Variants in CD84 observed in about 807,000 individuals in gnomAD.
The protein encoded by CD84 is CD84 molecule.
A neutral mutation model predicts 33.8 loss-of-function variants in CD84; 22 were observed. The ratio of observed to expected loss-of-function variants is 0.65; its 90% CI spans 0.46 to 0.93. CD84 has a LOEUF of 0.93. Ranked by LOEUF, CD84 falls within the 40% of genes least tolerant of loss-of-function variation. The pLI is 0.00. For synonymous variants in CD84, 154 were observed against 145.2 expected (o/e 1.06, Z -0.44); for missense variants, 400 against 397.6 (o/e 1.01, Z -0.05).
chr1:160,577,779 CT>C (rs1458379732), intron 1 of CD84, among the ~76,000 whole-genome samples: 1 of 152,156 alleles, frequency 6.6e-6, no homozygotes, highest in Non-Finnish European at 1.5e-5. Flanking sequence ...CATTTTGATT[CT>C]CAAAACAATT....
rs910677613 is a variant in CD84, at chr1:160,543,986, C to G, written c.*4270G>C. The G allele has an allele frequency of 6.6e-6, 1 of 151,970 alleles. No individual in the cohort carries two copies. Among genetic ancestry groups the G allele is most frequent in the East Asian group, 1.9e-4 (1 of 5,184 alleles). The allele number at this position is 151,970 out of a possible 1,614,324, so 9.4% of individuals were successfully genotyped here. ...TAAAAGGTAGGCACTATTATTATCC[C>G]CATTTTACAGATGGACAACCTGAGG... On this transcript the variant is annotated 3_prime_UTR_variant, in exon 7 of 7. Coordinates refer to ENST00000368054, the MANE Select transcript of CD84 (RefSeq NM_003874.4).
At position 160,550,973 on chromosome 1, in the gene CD84, CT is replaced by C. The variant is rs746789935; in HGVS notation, c.822del (p.Glu275SerfsTer21). 6.2e-7 allele frequency: 1 copy of C among 1,614,140 alleles called. No homozygotes were observed. On this transcript the variant is annotated frameshift_variant, in exon 5 of 7. Transcript: ENST00000368054. LOFTEE classifies it high-confidence loss of function. ...YIMASRNTQP[A>X]ESRIYDEILQ... Reference sequence around the variant, plus strand: ...AGGATTTCATCATAGATTCTGGACTCTGCTGGCTGGGTGTTCCTTGAAGCCA... The same window carrying C: ...AGGATTTCATCATAGATTCTGGACTCGCTGGCTGGGTGTTCCTTGAAGCCA...
In CD84 at chr1:160,554,108, C is replaced by T; in HGVS notation, c.427G>A (p.Ala143Thr). ...ACATTACAGGTGCTGTTCACAGATG[C>T]CATTAAACTCTGTGTAATTTTTGGT... ...GKPKITQSLM[A>T]SVNSTCNVTL... Residue 143 changes from alanine (A) to threonine (T), a missense_variant, in exon 3 of 7, where the codon GCA becomes ACA. Transcript: ENST00000368054. 1 of 1,613,908 alleles carries T rather than the reference C, an allele frequency of 6.2e-7. No homozygotes were observed. Among genetic ancestry groups the T allele is most frequent in the Non-Finnish European group, 8.5e-7 (1 of 1,179,836 alleles).
Position 160,552,777 on chromosome 1 carries a change from G to A in CD84, c.760+601C>T, listed in dbSNP as rs538276338. 8 of 1,474,564 alleles carry A rather than the reference G, an allele frequency of 5.4e-6. No homozygotes were observed. The East Asian group carries it at 9.9e-5, about 18-fold the overall frequency. 91.3% of individuals were successfully genotyped at this position (1,474,564 alleles called of 1,614,324 possible). Reference sequence around the variant, plus strand: ...CCAAAGGAGAGTCAGGAACATGGAAGCAGAAGTTCCATGTTTTTTATTGTG... The same window carrying A: ...CCAAAGGAGAGTCAGGAACATGGAAACAGAAGTTCCATGTTTTTTATTGTG... On this transcript the variant is annotated intron_variant, in intron 4 of 6. Coordinates refer to ENST00000368054, the MANE Select transcript of CD84 (RefSeq NM_003874.4).
At chr1:160,548,988 T>A (rs962939738) in intron 6 of CD84, among the ~76,000 whole-genome samples, 1 of 152,158 alleles carries the variant, frequency 6.6e-6, no homozygotes, top group African/African-American at 2.4e-5. Context: ...ACTTCTTGCC[T>A]GTCCTCCTTT....
At chr1:160,550,780 G>A (rs1023793013) in intron 5 of CD84, 158 bp downstream of exon 5, 93 of 985,328 alleles carry the variant, frequency 9.4e-5, no homozygotes, top group African/African-American at 1.2e-4. Context: ...AGAAAGATCC[G>A]TGGCATCACT....
intron 2 of CD84, among the ~76,000 whole-genome samples, chr1:160,560,596 AAAAC>A (rs1405424641): frequency 6.6e-6 from 1 of 152,184 alleles, no homozygotes; most frequent in Non-Finnish European, 1.5e-5. Flanking sequence ...TATAGAACCA[AAAAC>A]AAACAAACCC....
At chr1:160,559,969 A>T (rs1179673327) in intron 2 of CD84, among the ~76,000 whole-genome samples, 2 of 152,142 alleles carry the variant, frequency 1.3e-5, no homozygotes, top group African/African-American at 4.8e-5. Context: ...TATGCACACA[A>T]TACAGGAGCA....
intron 1 of CD84, chr1:160,571,534 A>G (rs562869220): frequency 2.0e-5 from 3 of 152,424 alleles, no homozygotes; most frequent in Non-Finnish European, 2.9e-5. Context: ...GCCAGAGTCT[A>G]GGGGACTGAC....
chr1:160,570,018 GGAGAGGCTGCATCA>G (rs1346986085), intron 1 of CD84, among the ~76,000 whole-genome samples: 3 of 152,082 alleles, frequency 2.0e-5, no homozygotes, highest in Non-Finnish European at 4.4e-5. Context: ...AAAACAGGAA[GGAGAGGCTGCATCA>G]GAGAGGCCAT....
chr1:160,550,806 T>A, intron 5 of CD84, 132 bp downstream of exon 5: 3 of 1,529,058 alleles, frequency 2.0e-6, no homozygotes, highest in Non-Finnish European at 2.6e-6. Context: ...GACATGGTAT[T>A]TCCTGGTTGG....
In CD84 at chr1:160,542,674, T is replaced by A. The variant is rs1289940228; in HGVS notation, c.*5582A>T. 6.6e-6 allele frequency: 1 copy of A among 152,212 alleles called. No homozygotes were observed. The highest frequency in any genetic ancestry group is 2.4e-5 in the African/African-American group (1 of 41,450). 9.4% of individuals were successfully genotyped at this position (152,212 alleles called of 1,614,324 possible). ...AACCCAGAGACTTGTACAGGGCTGT[T>A]GAGAACTGTCTGGGCAATCAGCCAG... is the stretch of plus-strand genomic sequence containing the variant. On this transcript the variant is annotated 3_prime_UTR_variant, in exon 7 of 7. Coordinates refer to ENST00000368054, the MANE Select transcript of CD84 (RefSeq NM_003874.4).
At chr1:160,561,056 A>C (rs1656924161) in intron 2 of CD84, among the ~76,000 whole-genome samples, 1 of 152,130 alleles carries the variant, frequency 6.6e-6, no homozygotes, top group South Asian at 2.1e-4. Flanking sequence ...AGCCAGGACC[A>C]GACAGATTCA....
chr1:160,569,707 GAGGAGGATTTTGA>G (rs1326821582), intron 1 of CD84, among the ~76,000 whole-genome samples: 1 of 152,182 alleles, frequency 6.6e-6, no homozygotes, highest in Non-Finnish European at 1.5e-5. Context: ...AGTAGAATTT[GAGGAGGATTTTGA>G]AGGCTGAATA....
At chr1:160,571,665 G>A (rs1034395616) in intron 1 of CD84, among the ~76,000 whole-genome samples, 7 of 152,134 alleles carry the variant, frequency 4.6e-5, no homozygotes, top group Non-Finnish European at 7.4e-5. Flanking sequence ...AAGAGACTGG[G>A]GGCTGGGGGG....
intron 2 of CD84, among the ~76,000 whole-genome samples, chr1:160,557,873 A>G (rs946207800): frequency 6.6e-6 from 1 of 152,160 alleles, no homozygotes; most frequent in South Asian, 2.1e-4. Flanking sequence ...ACAACGCGGC[A>G]CAGCTGCTTT....
At chr1:160,573,184 A>G (rs1200975761) in intron 1 of CD84, among the ~76,000 whole-genome samples, 1 of 152,164 alleles carries the variant, frequency 6.6e-6, no homozygotes, top group Admixed American at 6.6e-5. Flanking sequence ...TCAGAAACCC[A>G]TATATATAGA....
intron 1 of CD84, among the ~76,000 whole-genome samples, chr1:160,575,929 C>G (rs1162484778): frequency 6.6e-6 from 1 of 152,160 alleles, no homozygotes; most frequent in Non-Finnish European, 1.5e-5. Context: ...CCTGAGTTAT[C>G]ACAGGGGGAA....
rs1323709013 is a variant in CD84 at position 160,543,419 on chromosome 1, C to A, written c.*4837G>T. On this transcript the variant is annotated 3_prime_UTR_variant, in exon 7 of 7. Coordinates refer to ENST00000368054, the MANE Select transcript of CD84 (RefSeq NM_003874.4). ...TTCAAATACTGTCTTCCCAGCTTTC[C>A]AGATTTGCCAAGGTATTCATATGTC... The A allele has an allele frequency of 6.6e-6, 1 of 152,050 alleles. No homozygotes were observed. The highest frequency in any genetic ancestry group is 1.9e-4 in the East Asian group (1 of 5,192). The allele number at this position is 152,050 out of a possible 1,614,324, so 9.4% of individuals were successfully genotyped here.
Sources: gnomAD v4.1 joint callset for allele counts (sites outside exome capture counted in the v4.1 genomes callset) on GRCh38, gnomAD v4.1.1 for gene constraint, MANE v1.5 for transcripts, NCBI Gene and HGNC (gene_info 2026-07-23, HGNC 2026-07-21) for gene names.